The following SLC39A9 variants were observed in gnomAD, a reference collection of about 807,000 sequenced individuals.
The protein encoded by SLC39A9 is zinc transporter ZIP9.
In SLC39A9, 14 loss-of-function variants were observed where a neutral mutation model predicts 28.4. The ratio of observed to expected loss-of-function variants is 0.49; its 90% CI spans 0.33 to 0.77. The LOEUF (loss-of-function observed/expected upper bound fraction) is 0.77, where lower values mean the gene tolerates loss of function less well. SLC39A9 is among the 30% of genes least tolerant of loss of function. The pLI is 0.02. For missense variants in SLC39A9, 283 were observed against 381.1 expected (o/e 0.74, Z 2.14); for synonymous variants, 119 against 149.6 (o/e 0.80, Z 1.49).
chr14:69,433,913 T>C (rs1197489880), intron 2 of SLC39A9, among the ~76,000 whole-genome samples: 1 of 152,040 alleles, frequency 6.6e-6, no homozygotes, highest in Non-Finnish European at 1.5e-5. Context: ...GCCTCCCAAG[T>C]AGCTGAAACT....
intron 3 of SLC39A9, among the ~76,000 whole-genome samples, chr14:69,446,701 C>T (rs1422926414): frequency 1.5e-4 from 23 of 151,510 alleles, no homozygotes; most frequent in Non-Finnish European, 2.9e-5. Context: ...GGTGAAACCC[C>T]ATCTCTACTA....
intron 2 of SLC39A9, among the ~76,000 whole-genome samples, chr14:69,425,006 T>C (rs1018465982): frequency 2.6e-5 from 4 of 152,206 alleles, no homozygotes; most frequent in African/African-American, 9.7e-5. Flanking sequence ...TTATCCAGAA[T>C]GGTGATGCTC....
intron 3 of SLC39A9, among the ~76,000 whole-genome samples, chr14:69,443,043 G>C (rs1885120332): frequency 6.6e-6 from 1 of 152,132 alleles, no homozygotes; most frequent in South Asian, 2.1e-4. Flanking sequence ...TTTGACTCCA[G>C]TCATAGTAAC....
intron 1 of SLC39A9, among the ~76,000 whole-genome samples, chr14:69,400,881 C>T (rs1882593791): frequency 6.6e-6 from 1 of 150,624 alleles, no homozygotes. Context: ...AAGCTGGGTG[C>T]GGTGGGGCGC....
intron 1 of SLC39A9, 25 bp downstream of exon 1, chr14:69,399,490 A>G: frequency 6.3e-7 from 1 of 1,597,102 alleles, no homozygotes; most frequent in South Asian, 1.1e-5. Flanking sequence ...ATTTTCTGTC[A>G]GCTGTCAGGA....
intron 2 of SLC39A9, among the ~76,000 whole-genome samples, chr14:69,431,358 T>A: frequency 6.6e-6 from 1 of 152,180 alleles, no homozygotes; most frequent in African/African-American, 2.4e-5. Flanking sequence ...TAAATAATCA[T>A]GTCGTCTGTG....
At chr14:69,449,984 G>A (rs570226449) in intron 3 of SLC39A9, among the ~76,000 whole-genome samples, 2 of 151,962 alleles carry the variant, frequency 1.3e-5, no homozygotes, top group East Asian at 1.9e-4. Context: ...TCAGGGGTTC[G>A]AGACCAGCCT....
chr14:69,454,498 A>C (rs1009510764), intron 4 of SLC39A9, among the ~76,000 whole-genome samples: 10 of 152,246 alleles, frequency 6.6e-5, no homozygotes, highest in African/African-American at 2.4e-4. Flanking sequence ...TAACTAATCA[A>C]TGGATTTTTG....
At chr14:69,433,897 G>A (rs963236541) in intron 2 of SLC39A9, among the ~76,000 whole-genome samples, 1 of 151,938 alleles carries the variant, frequency 6.6e-6, no homozygotes, top group Non-Finnish European at 1.5e-5. Context: ...TGATTCCAAT[G>A]CCTCAGCCTC....
chr14:69,404,067 A>T (rs1424704828), intron 1 of SLC39A9, among the ~76,000 whole-genome samples: 7 of 152,114 alleles, frequency 4.6e-5, no homozygotes, highest in Non-Finnish European at 8.8e-5. Flanking sequence ...ACAAACAAAC[A>T]AAAACAGCAA....
At chr14:69,423,027 C>G (rs894699049) in intron 1 of SLC39A9, among the ~76,000 whole-genome samples, 1 of 152,004 alleles carries the variant, frequency 6.6e-6, no homozygotes, top group Non-Finnish European at 1.5e-5. Context: ...GCATTGATGT[C>G]TAAATACATT....
At chr14:69,441,998 A>T in intron 2 of SLC39A9, 71 bp from the exon 3 acceptor site, 1 of 1,540,156 alleles carries the variant, frequency 6.5e-7, no homozygotes, top group Non-Finnish European at 8.7e-7. Flanking sequence ...AATACAAAGA[A>T]TGGAAACTCC....
In SLC39A9 at chr14:69,412,734, G is replaced by A. The variant is rs926027067; in HGVS notation, c.97-11360G>A. Among the ~76,000 whole-genome samples, 20 of 152,150 alleles carry A rather than the reference G, an allele frequency of 1.3e-4. 1 individual carries two copies. Among genetic ancestry groups the A allele is most frequent in the Admixed American group, 1.2e-3 (19 of 15,276 alleles). ...ATTCAGCAGTAAATTAAAGATCTCT[G>A]CCCTGACAGAATTGGTAATTTTGTG... is the stretch of plus-strand genomic sequence containing the variant. On this transcript the variant is annotated intron_variant, in intron 1 of 6. Transcript: ENST00000336643.
At chr14:69,421,722 C>G (rs1359422302) in intron 1 of SLC39A9, among the ~76,000 whole-genome samples, 2 of 152,188 alleles carry the variant, frequency 1.3e-5, no homozygotes, top group Non-Finnish European at 2.9e-5. Context: ...AGACGCCCCT[C>G]CCCCAGTCAG....
Position 69,460,366 on chromosome 14 carries a change from A to G in SLC39A9, c.*1773A>G. 1.0e-6 allele frequency: 1 copy of G among 985,490 alleles called. No individual in the cohort carries two copies. The allele number at this position is 985,490 out of a possible 1,614,324, so 61.0% of individuals were successfully genotyped here. On this transcript the variant is annotated 3_prime_UTR_variant, in exon 7 of 7. Coordinates refer to ENST00000336643, the MANE Select transcript of SLC39A9 (RefSeq NM_018375.5). ...ATACAGTTGTATGTAGTCATTGGCAACAATTGCATACAATTTTACTACCAA... is the reference window on the plus strand; with the variant it reads ...ATACAGTTGTATGTAGTCATTGGCAGCAATTGCATACAATTTTACTACCAA...
At chr14:69,442,377 T>C in intron 3 of SLC39A9, 111 bp downstream of exon 3, 2 of 1,012,188 alleles carry the variant, frequency 2.0e-6, no homozygotes, top group Admixed American at 4.3e-5. Flanking sequence ...GCTAAAACTC[T>C]TGTCTTCCTT....
At chr14:69,448,967 A>T (rs1885472822) in intron 3 of SLC39A9, among the ~76,000 whole-genome samples, 1 of 152,218 alleles carries the variant, frequency 6.6e-6, no homozygotes, top group African/African-American at 2.4e-5. Flanking sequence ...ATATTGGTCC[A>T]TCTGAGAAAA....
chr14:69,402,794 G>A (rs931045174), intron 1 of SLC39A9, among the ~76,000 whole-genome samples: 5 of 152,108 alleles, frequency 3.3e-5, no homozygotes, highest in African/African-American at 1.2e-4. Context: ...TTTTAAAGGA[G>A]GCCAGCCAGG....
chr14:69,442,388 G>A lies in SLC39A9; in HGVS notation c.403+122G>A, dbSNP rs1162777770. Reference sequence around the variant, plus strand: ...TAGTGCTAAAACTCTTGTCTTCCTTGGGTTCTAGTGAACATTTAACTAAGT... The same window carrying A: ...TAGTGCTAAAACTCTTGTCTTCCTTAGGTTCTAGTGAACATTTAACTAAGT... On this transcript the variant is annotated intron_variant, in intron 3 of 6. Coordinates refer to ENST00000336643, the MANE Select transcript of SLC39A9 (RefSeq NM_018375.5). The A allele has an allele frequency of 4.4e-6, 4 of 919,174 alleles. No individual in the cohort carries two copies. The African/African-American group carries it at 6.6e-5, about 15-fold the overall frequency. 56.9% of individuals were successfully genotyped at this position (919,174 alleles called of 1,614,324 possible). A position where few individuals can be genotyped will look rare whatever the true frequency, so the allele number is the denominator to read the frequency against.
Sources: gnomAD v4.1 joint callset for allele counts (sites outside exome capture counted in the v4.1 genomes callset) on GRCh38, gnomAD v4.1.1 for gene constraint, MANE v1.5 for transcripts, NCBI Gene and HGNC (gene_info 2026-07-23, HGNC 2026-07-21) for gene names.